The following PRPSAP2 variants were observed in gnomAD, a reference collection of about 807,000 sequenced individuals.
PRPSAP2 encodes phosphoribosyl pyrophosphate synthetase associated protein 2, also known as phosphoribosyl pyrophosphate synthase-associated protein 2.
PRPSAP2 carries 24 observed loss-of-function variants against 40.6 expected under a neutral mutation model. The ratio of observed to expected loss-of-function variants is 0.59; its 90% CI spans 0.43 to 0.83. The LOEUF is 0.83. Ranked by LOEUF, PRPSAP2 falls within the 40% of genes least tolerant of loss-of-function variation. PRPSAP2 has a pLI of 0.00. For missense variants in PRPSAP2, 292 were observed against 465.6 expected (o/e 0.63, Z 3.43); for synonymous variants, 149 against 164.7 (o/e 0.90, Z 0.73).
chr17:18,923,888 T>C lies in PRPSAP2; in HGVS notation c.734-26T>C. On this transcript the variant is annotated intron_variant, in intron 9 of 11. Transcript: ENST00000268835. ...GTTTTACTTTTTAATATAAAAATTT[T>C]GGTGTGTGTGTTTTATTCCAACCAG... 1.3e-6 allele frequency: 2 copies of C among 1,568,508 alleles called. 1 individual carries two copies. The highest frequency in any genetic ancestry group is 2.7e-5 in the African/African-American group (2 of 73,064).
chr17:18,880,319 C>T (rs564144400), intron 6 of PRPSAP2, among the ~76,000 whole-genome samples: 1 of 152,276 alleles, frequency 6.6e-6, no homozygotes, highest in Admixed American at 6.5e-5. Flanking sequence ...ACTGAATTTT[C>T]CTTACACTTT....
Position 18,888,794 on chromosome 17 carries a change from G to A in PRPSAP2, c.529-1028G>A, listed in dbSNP as rs1366707408. On this transcript the variant is annotated intron_variant, in intron 7 of 11. Transcript: ENST00000268835. ...CCTCGCGGACGGGGCGGCTGGCCGGGCAGAGGGGCTCCTCACTTCCCAGTA... is the reference window on the plus strand; with the variant it reads ...CCTCGCGGACGGGGCGGCTGGCCGGACAGAGGGGCTCCTCACTTCCCAGTA... Among the ~76,000 whole-genome samples, 14 of 34,704 alleles carry A rather than the reference G, an allele frequency of 4.0e-4. 2 individuals are homozygous for A. Among genetic ancestry groups the A allele is most frequent in the Non-Finnish European group, 2.2e-4 (3 of 13,634 alleles). 22.8% of individuals were successfully genotyped at this position (34,704 alleles called of 152,430 possible). A position where few individuals can be genotyped will look rare whatever the true frequency, so the allele number is the denominator to read the frequency against.
chr17:18,898,781 C>T (rs1038005816), intron 8 of PRPSAP2, among the ~76,000 whole-genome samples: 1 of 152,084 alleles, frequency 6.6e-6, no homozygotes, highest in African/African-American at 2.4e-5. Context: ...GGGTTTATGT[C>T]TCTGACCAAT....
intron 4 of PRPSAP2, among the ~76,000 whole-genome samples, chr17:18,868,300 C>G (rs982565320): frequency 4.6e-5 from 7 of 152,014 alleles, no homozygotes; most frequent in Non-Finnish European, 1.0e-4. Context: ...CATGATGAAA[C>G]CCTGTCTCTA....
In PRPSAP2 at chr17:18,930,725, G is replaced by T; in HGVS notation, c.*27G>T. ...TTTTCCTTTAGGAAAACTCCCGAGG[G>T]CCAAACTGGAAACATAAGAGTGACT... On this transcript the variant is annotated 3_prime_UTR_variant, in exon 12 of 12. Transcript: ENST00000268835. The T allele has an allele frequency of 6.3e-7, 1 of 1,586,800 alleles. No homozygotes were observed. Among genetic ancestry groups the T allele is most frequent in the Non-Finnish European group, 8.6e-7 (1 of 1,161,578 alleles).
chr17:18,864,492 C>T (rs897629801), intron 1 of PRPSAP2, among the ~76,000 whole-genome samples: 1 of 151,806 alleles, frequency 6.6e-6, no homozygotes, highest in East Asian at 1.9e-4. Context: ...CAGATTTCAC[C>T]CTTTTGGCCA....
chr17:18,887,023 G>A (rs2039216077), intron 7 of PRPSAP2, among the ~76,000 whole-genome samples: 2 of 126,940 alleles, frequency 1.6e-5, no homozygotes, highest in African/African-American at 3.0e-5. Context: ...CACAACCTCC[G>A]CCTCCCAGGT....
At chr17:18,925,460 A>G (rs1308908121) in intron 10 of PRPSAP2, among the ~76,000 whole-genome samples, 1 of 152,120 alleles carries the variant, frequency 6.6e-6, no homozygotes, top group African/African-American at 2.4e-5. Context: ...GTCTTTGTGT[A>G]CTTTGGGACT....
intron 8 of PRPSAP2, chr17:18,908,258 G>A (rs2040725781): frequency 1.3e-6 from 1 of 760,078 alleles, no homozygotes; most frequent in East Asian, 2.5e-5. Flanking sequence ...CCACTCAGCC[G>A]AGCTGCCGCT....
rs766525004 is a variant in PRPSAP2, at chr17:18,865,800, A to G, written c.-32-2A>G. 7.0e-7 allele frequency: 1 copy of G among 1,438,410 alleles called. No homozygotes were observed. The highest frequency in any genetic ancestry group is 9.3e-7 in the Non-Finnish European group (1 of 1,077,874). The allele number at this position is 1,438,410 out of a possible 1,614,324, so 89.1% of individuals were successfully genotyped here. A position where few individuals can be genotyped will look rare whatever the true frequency, so the allele number is the denominator to read the frequency against. ...TTTTTAATAAGTATTATATCCTTCTAGGCTCTGAAAATTGGAAAACCAAGA... is the reference window on the plus strand; with the variant it reads ...TTTTTAATAAGTATTATATCCTTCTGGGCTCTGAAAATTGGAAAACCAAGA... On this transcript the variant is annotated splice_acceptor_variant, in intron 2 of 11. Transcript: ENST00000268835. LOFTEE classifies it low-confidence loss of function (5UTR_SPLICE).
At chr17:18,873,549 T>C (rs758243179) in intron 5 of PRPSAP2, among the ~76,000 whole-genome samples, 31 of 152,198 alleles carry the variant, frequency 2.0e-4, no homozygotes, top group Non-Finnish European at 3.5e-4. Flanking sequence ...TTAAGTTTCC[T>C]AACAATTAAC....
chr17:18,907,188 A>G (rs1441748499), intron 8 of PRPSAP2, among the ~76,000 whole-genome samples: 1 of 152,104 alleles, frequency 6.6e-6, no homozygotes, highest in East Asian at 1.9e-4. Flanking sequence ...TTGAACATTT[A>G]CCATGCATTA....
At chr17:18,917,846 T>A (rs923706209) in intron 9 of PRPSAP2, among the ~76,000 whole-genome samples, 4 of 151,650 alleles carry the variant, frequency 2.6e-5, no homozygotes, top group African/African-American at 7.3e-5. Flanking sequence ...GGTCTGGACT[T>A]CTTCTGGTCT....
At chr17:18,925,008 T>G (rs2041896716) in intron 10 of PRPSAP2, among the ~76,000 whole-genome samples, 1 of 151,848 alleles carries the variant, frequency 6.6e-6, no homozygotes, top group African/African-American at 2.4e-5. Context: ...TAATCCCAGC[T>G]ACTTGGGAGG....
At chr17:18,919,615 A>G (rs1274474861) in intron 9 of PRPSAP2, among the ~76,000 whole-genome samples, 1 of 152,026 alleles carries the variant, frequency 6.6e-6, no homozygotes, top group Non-Finnish European at 1.5e-5. Context: ...GCAGTGAGCC[A>G]TGATGGTGCC....
At chr17:18,910,826 G>A (rs934992998) in intron 8 of PRPSAP2, among the ~76,000 whole-genome samples, 1 of 152,196 alleles carries the variant, frequency 6.6e-6, no homozygotes, top group Non-Finnish European at 1.5e-5. Context: ...GCTGAGCGGA[G>A]GTTCCTTCAC....
intron 8 of PRPSAP2, chr17:18,908,293 TGAGGA>T: frequency 1.3e-6 from 1 of 776,000 alleles, no homozygotes; most frequent in Admixed American, 1.7e-5. Context: ...AGGACACTCA[TGAGGA>T]CCATGATACT....
At chr17:18,887,094 A>G (rs920267313) in intron 7 of PRPSAP2, among the ~76,000 whole-genome samples, 1 of 151,150 alleles carries the variant, frequency 6.6e-6, no homozygotes, top group Non-Finnish European at 1.5e-5. Context: ...GGGCCCCCAT[A>G]CCTGGCTAAT....
chr17:18,878,861 A>C lies in PRPSAP2; in HGVS notation c.412+991A>C, dbSNP rs548249877. Among the ~76,000 whole-genome samples, 11 of 150,870 alleles carry C rather than the reference A, an allele frequency of 7.3e-5. No individual in the cohort carries two copies. The East Asian group carries it at 2.1e-3, about 29-fold the overall frequency. ...ACCCGGCCTATGATTTTTTTATTTT[A>C]ATTTTTATTCTGTTTATTTATTTTT... On this transcript the variant is annotated intron_variant, in intron 6 of 11. Coordinates refer to ENST00000268835, the MANE Select transcript of PRPSAP2 (RefSeq NM_002767.4).
Sources: gnomAD v4.1 joint callset for allele counts (sites outside exome capture counted in the v4.1 genomes callset) on GRCh38, gnomAD v4.1.1 for gene constraint, MANE v1.5 for transcripts, NCBI Gene and HGNC (gene_info 2026-07-23, HGNC 2026-07-21) for gene names.